Variants in KRT8 observed in about 807,000 individuals in gnomAD.
KRT8 encodes keratin 8.
A neutral mutation model predicts 43.0 loss-of-function variants in KRT8; 24 were observed. The observed-to-expected ratio is 0.56, with a 90% CI of 0.40 to 0.78. The LOEUF (loss-of-function observed/expected upper bound fraction) is 0.78. KRT8 is among the 30% of genes least tolerant of loss of function. The probability of loss-of-function intolerance (pLI) is 0.00; values close to 1 mark genes in which losing one functional copy is unlikely to be tolerated. For synonymous variants in KRT8, 214 were observed against 261.2 expected (o/e 0.82, Z 1.74); for missense variants, 492 against 638.4 (o/e 0.77, Z 2.47).
intron 2 of KRT8, among the ~76,000 whole-genome samples, chr12:52,938,859 C>G (rs926134225): frequency 1.3e-5 from 2 of 152,042 alleles, no homozygotes; most frequent in Non-Finnish European, 2.9e-5. Flanking sequence ...CCTCATGATC[C>G]TCCCGCCTTG....
upstream of KRT8, chr12:52,905,111 TG>T (rs895135719): frequency 3.0e-4 from 430 of 1,450,646 alleles, no homozygotes; most frequent in Non-Finnish European, 3.6e-4. Flanking sequence ...CCCCGGGGGA[TG>T]GGGGGGAAAG....
At chr12:52,935,102 C>T (rs2120709501) in intron 2 of KRT8, among the ~76,000 whole-genome samples, 1 of 151,550 alleles carries the variant, frequency 6.6e-6, no homozygotes, top group South Asian at 2.1e-4. Context: ...AAAAATAGGC[C>T]TGGCGTGGTG....
intron 2 of KRT8, among the ~76,000 whole-genome samples, chr12:52,913,009 G>C (rs1941665652): frequency 6.6e-6 from 1 of 152,224 alleles, no homozygotes; most frequent in African/African-American, 2.4e-5. Context: ...GGAAGGAATG[G>C]GGAGCCAAAA....
At chr12:52,949,026 C>A in intron 2 of KRT8, 1 of 715,966 alleles carries the variant, frequency 1.4e-6, no homozygotes, top group South Asian at 1.8e-5. Flanking sequence ...GGGCTCCGAG[C>A]CGTCCACCTG....
At chr12:52,918,519 G>A (rs531027175) in intron 2 of KRT8, among the ~76,000 whole-genome samples, 7 of 152,308 alleles carry the variant, frequency 4.6e-5, no homozygotes, top group South Asian at 4.1e-4. Context: ...CAGCTGCCCC[G>A]AGCCTGCCCA....
At chr12:52,907,496 C>T (rs1227306432), upstream of KRT8, among the ~76,000 whole-genome samples, 1 of 152,200 alleles carries the variant, frequency 6.6e-6, no homozygotes, top group Admixed American at 6.5e-5. Context: ...ACCCCAAAGC[C>T]TTTCCTGAAA....
chr12:52,932,433 G>C (rs947482664), intron 2 of KRT8, among the ~76,000 whole-genome samples: 12 of 152,002 alleles, frequency 7.9e-5, no homozygotes, highest in African/African-American at 2.7e-4. Flanking sequence ...CACAAGATCA[G>C]GAACAAAGCA....
In KRT8 at chr12:52,949,133, C is replaced by T. The variant is rs545237524; in HGVS notation, c.-47+323G>A. 5.2e-6 allele frequency: 7 copies of T among 1,333,522 alleles called. No homozygotes were observed. In the African/African-American group the frequency reaches 1.9e-4, roughly 36 times the overall value. The allele number at this position is 1,333,522 out of a possible 1,614,324, so 82.6% of individuals were successfully genotyped here. Reference sequence around the variant, plus strand: ...GCTCGCGCAGGCCGCCACCGTCGTCCGCAAAGCCTGAGTCCTGTCCTTTCT... The same window carrying T: ...GCTCGCGCAGGCCGCCACCGTCGTCTGCAAAGCCTGAGTCCTGTCCTTTCT... On this transcript the variant is annotated intron_variant, in intron 2 of 6. Coordinates refer to the KRT8 transcript ENST00000546826.
chr12:52,918,041 GA>G (rs1215722943), intron 2 of KRT8, among the ~76,000 whole-genome samples: 8 of 141,970 alleles, frequency 5.6e-5, no homozygotes, highest in African/African-American at 1.8e-4. Flanking sequence ...AGGAGGAGAA[GA>G]AGAAGAAGAG....
At chr12:52,933,171 C>G (rs568140470) in intron 2 of KRT8, among the ~76,000 whole-genome samples, 1 of 152,270 alleles carries the variant, frequency 6.6e-6, no homozygotes, top group Non-Finnish European at 1.5e-5. Context: ...GTCTTGAACT[C>G]CTGACCTCAG....
At chr12:52,929,912 A>T (rs1942056966) in intron 2 of KRT8, among the ~76,000 whole-genome samples, 1 of 152,000 alleles carries the variant, frequency 6.6e-6, no homozygotes, top group East Asian at 1.9e-4. Flanking sequence ...GTCCCACCTA[A>T]GCCTCAAACT....
At chr12:52,938,158 ATATATATATATATT>A (rs1427567843) in intron 2 of KRT8, among the ~76,000 whole-genome samples, 1 of 32,856 alleles carries the variant, frequency 3.0e-5, no homozygotes, top group African/African-American at 2.4e-4. Flanking sequence ...ATATATATAT[ATATATATATATATT>A]TTTTTTTTTT....
At chr12:52,908,016 C>T (rs752525251), upstream of KRT8, among the ~76,000 whole-genome samples, 5 of 152,214 alleles carry the variant, frequency 3.3e-5, no homozygotes, top group African/African-American at 1.2e-4. Flanking sequence ...TGCCTCAAAC[C>T]GCCTTTCCTG....
At position 52,898,525 on chromosome 12, in the gene KRT8, C is replaced by T; in HGVS notation, c.1203-6G>A. The T allele has an allele frequency of 6.2e-7, 1 of 1,614,060 alleles. No homozygotes were observed. Among genetic ancestry groups the T allele is most frequent in the Non-Finnish European group, 8.5e-7 (1 of 1,179,938 alleles). The stretch of plus-strand genomic sequence containing the variant: ...TCTGCATCCCAGACTCCAGCCTGTA[C>T]CCAGACAAATGGGGTGTCAGGACCA... On this transcript the variant is annotated splice_polypyrimidine_tract_variant and splice_region_variant and intron_variant, in intron 6 of 7. Transcript: ENST00000692008.
chr12:52,924,700 T>C (rs1005121758), intron 2 of KRT8, among the ~76,000 whole-genome samples: 1 of 152,216 alleles, frequency 6.6e-6, no homozygotes, highest in Non-Finnish European at 1.5e-5. Context: ...TATAGGACAC[T>C]ACTGTATAGG....
At chr12:52,898,726 G>C in exon 6 of KRT8, 1 of 1,614,214 alleles carries the variant, frequency 6.2e-7, no homozygotes, top group Non-Finnish European at 8.5e-7. Flanking sequence ...CGATCTCGAT[G>C]TCCAGGGCCA....
At chr12:52,937,158 C>G (rs1303191397) in intron 2 of KRT8, among the ~76,000 whole-genome samples, 2 of 151,670 alleles carry the variant, frequency 1.3e-5, no homozygotes, top group Non-Finnish European at 2.9e-5. Context: ...ACTGCCTGAG[C>G]TCAGGAGTTT....
upstream of KRT8, among the ~76,000 whole-genome samples, chr12:52,909,938 CT>C (rs1372949012): frequency 2.0e-5 from 3 of 151,944 alleles, no homozygotes; most frequent in East Asian, 5.8e-4. Flanking sequence ...GTCTCCCACA[CT>C]TTTTTTTCTT....
chr12:52,925,935 G>A (rs944253603), intron 2 of KRT8, among the ~76,000 whole-genome samples: 2 of 152,036 alleles, frequency 1.3e-5, no homozygotes, highest in Admixed American at 6.6e-5. Context: ...GGAGGAAGGA[G>A]GAGAAAGGAG....
Sources: allele counts gnomAD v4.1 joint callset (sites outside exome capture counted in the v4.1 genomes callset), GRCh38; gene constraint gnomAD v4.1.1; transcripts MANE v1.5; gene names NCBI Gene and HGNC (gene_info 2026-07-23, HGNC 2026-07-21).